Variants in RAPGEF2 observed in about 807,000 individuals in gnomAD.
The protein encoded by RAPGEF2 is Rap guanine nucleotide exchange factor 2, also known as PDZ domain containing guanine nucleotide exchange factor (GEF) 1.
RAPGEF2 carries 54 observed loss-of-function variants against 186.7 expected under a neutral mutation model. The observed-to-expected ratio is 0.29, with a 90% CI of 0.23 to 0.36. The LOEUF (loss-of-function observed/expected upper bound fraction) is 0.36. Ranked by LOEUF, RAPGEF2 falls within the 10% of genes least tolerant of loss-of-function variation. The probability of loss-of-function intolerance (pLI) is 1.00; values close to 1 mark genes in which losing one functional copy is unlikely to be tolerated. For synonymous variants in RAPGEF2, 712 were observed against 705.9 expected (o/e 1.01, Z -0.14); for missense variants, 1,532 against 2,045.0 (o/e 0.75, Z 4.84).
In RAPGEF2 at chr4:159,345,220, T is replaced by C. The variant is rs1730110487; in HGVS notation, c.3393T>C (p.Asp1131=). ...TCAATGCCAAAAAGCTTTATGAAGA[T>C]GCCCAAATGGCTCGAAAAGTGAAGC... ...SFLNAKKLYE[D]AQMARKVKQY... is the part of the protein sequence containing the mutation. Residue 1131 remains aspartate (D), a synonymous_variant, in exon 24 of 30, where the codon GAT becomes GAC. Transcript: ENST00000691494. The C allele has an allele frequency of 1.2e-6, 2 of 1,614,106 alleles. No homozygotes were observed. The highest frequency in any genetic ancestry group is 1.7e-6 in the Non-Finnish European group (2 of 1,180,026).
At chr4:159,300,592 T>C (rs1762531233) in intron 7 of RAPGEF2, among the ~76,000 whole-genome samples, 1 of 152,190 alleles carries the variant, frequency 6.6e-6, no homozygotes, top group African/African-American at 2.4e-5. Context: ...TAATTATTGA[T>C]TTTATTCAGG....
intron 1 of RAPGEF2, among the ~76,000 whole-genome samples, chr4:159,184,745 A>C (rs1465973391): frequency 6.6e-6 from 1 of 152,070 alleles, no homozygotes; most frequent in Non-Finnish European, 1.5e-5. Flanking sequence ...TCTTTAGTTT[A>C]ATTAGATCCC....
chr4:159,293,354 A>G (rs1761492346), intron 7 of RAPGEF2, among the ~76,000 whole-genome samples: 1 of 152,132 alleles, frequency 6.6e-6, no homozygotes, highest in African/African-American at 2.4e-5. Flanking sequence ...ATTTGTCCCC[A>G]CCCACTAGTT....
chr4:159,121,168 T>A (rs1739638233), intron 1 of RAPGEF2, among the ~76,000 whole-genome samples: 1 of 152,040 alleles, frequency 6.6e-6, no homozygotes, highest in Admixed American at 6.5e-5. Flanking sequence ...TTGAAGCTCA[T>A]GCTCAACCTT....
intron 1 of RAPGEF2, among the ~76,000 whole-genome samples, chr4:159,183,781 G>A (rs1482733015): frequency 6.6e-6 from 1 of 152,130 alleles, no homozygotes; most frequent in Non-Finnish European, 1.5e-5. Flanking sequence ...TAGGGTACAT[G>A]TGCACAACAT....
intron 7 of RAPGEF2, among the ~76,000 whole-genome samples, chr4:159,302,356 A>G (rs1234320863): frequency 1.3e-5 from 2 of 152,198 alleles, no homozygotes; most frequent in Admixed American, 6.5e-5. Context: ...AAAAAATCAC[A>G]CTATGTTGCA....
rs142159684 is a variant in RAPGEF2, at chr4:159,178,685, G to A, written c.70-7957G>A. On this transcript the variant is annotated intron_variant, in intron 1 of 29. Coordinates refer to ENST00000691494, the MANE Select transcript of RAPGEF2 (RefSeq NM_001394067.2). ...CGATTCTCCTGCCTCAGCCCCCCAA[G>A]TAGCTGGGCTTACAGGTGCACACTA... 4.1e-5 allele frequency among the ~76,000 whole-genome samples: 6 copies of A among 146,918 alleles called. No homozygotes were observed. The Admixed American group carries it at 4.2e-4, about 10-fold the overall frequency.
chr4:159,351,170 C>A (rs1029613209), intron 26 of RAPGEF2: 2 of 1,534,550 alleles, frequency 1.3e-6, no homozygotes, highest in African/African-American at 2.7e-5. Flanking sequence ...GCACCACGGA[C>A]CTATGGGATA....
intron 1 of RAPGEF2, among the ~76,000 whole-genome samples, chr4:159,150,805 CA>C (rs1332494237): frequency 3.3e-5 from 5 of 152,266 alleles, no homozygotes; most frequent in African/African-American, 9.6e-5. Flanking sequence ...GAGGATCCAG[CA>C]GTATTTGGAT....
At chr4:159,253,610 C>G (rs1160055870) in intron 7 of RAPGEF2, among the ~76,000 whole-genome samples, 1 of 151,992 alleles carries the variant, frequency 6.6e-6, no homozygotes, top group East Asian at 1.9e-4. Flanking sequence ...TAGAAAATAC[C>G]TGCCAGATAC....
At position 159,359,909 on chromosome 4, in the gene RAPGEF2, G is replaced by C. The variant is rs1732539318; in HGVS notation, c.*1770G>C. On this transcript the variant is annotated 3_prime_UTR_variant, in exon 30 of 30. Coordinates refer to ENST00000691494, the MANE Select transcript of RAPGEF2 (RefSeq NM_001394067.2). The stretch of plus-strand genomic sequence containing the variant: ...GTAGAACATAGGACTGCTAATCTCA[G>C]TTCGCTCTGTGATGTCAAGTGCAGA... 1 of 152,186 alleles carries C rather than the reference G, an allele frequency of 6.6e-6. No individual in the cohort carries two copies. The allele number at this position is 152,186 out of a possible 1,614,324, so 9.4% of individuals were successfully genotyped here. A position where few individuals can be genotyped will look rare whatever the true frequency, so the allele number is the denominator to read the frequency against.
intron 3 of RAPGEF2, among the ~76,000 whole-genome samples, chr4:159,204,589 A>G (rs1278041052): frequency 6.6e-6 from 1 of 152,140 alleles, no homozygotes; most frequent in Non-Finnish European, 1.5e-5. Flanking sequence ...ATCATTTTAT[A>G]ATGGTCTGTA....
At chr4:159,124,043 A>G (rs181679227) in intron 1 of RAPGEF2, among the ~76,000 whole-genome samples, 384 of 150,784 alleles carry the variant, frequency 2.5e-3, no homozygotes, top group African/African-American at 8.8e-3. Context: ...TTTAGTAGAG[A>G]TGGCGTTTCG....
At chr4:159,273,642 CTTTCTT>C (rs1458175092) in intron 7 of RAPGEF2, among the ~76,000 whole-genome samples, 3 of 109,568 alleles carry the variant, frequency 2.7e-5, no homozygotes, top group East Asian at 5.2e-4. Flanking sequence ...TTCTTTCTTT[CTTTCTT>C]TCTTTCTTTC....
chr4:159,220,107 G>T (rs942960197), intron 4 of RAPGEF2, among the ~76,000 whole-genome samples: 4 of 152,206 alleles, frequency 2.6e-5, no homozygotes, highest in Admixed American at 1.3e-4. Flanking sequence ...TGTTAGTGGA[G>T]TGGCAGAGCT....
At chr4:159,221,833 A>C (rs1751568501) in intron 4 of RAPGEF2, among the ~76,000 whole-genome samples, 4 of 152,346 alleles carry the variant, frequency 2.6e-5, no homozygotes, top group Admixed American at 2.6e-4. Context: ...GTGCTGGGAG[A>C]GAATTCCAAA....
At chr4:159,258,215 T>A (rs1389600283) in intron 7 of RAPGEF2, among the ~76,000 whole-genome samples, 1 of 152,204 alleles carries the variant, frequency 6.6e-6, no homozygotes, top group Non-Finnish European at 1.5e-5. Flanking sequence ...CTCCATGCCT[T>A]TTTAGAGCTG....
At chr4:159,196,331 G>T (rs1394187206) in intron 3 of RAPGEF2, among the ~76,000 whole-genome samples, 1 of 152,056 alleles carries the variant, frequency 6.6e-6, no homozygotes, top group East Asian at 1.9e-4. Flanking sequence ...TTTCGGACCT[G>T]TTATTATTAC....
chr4:159,175,423 A>AT (rs1746359713), intron 1 of RAPGEF2, among the ~76,000 whole-genome samples: 1 of 152,054 alleles, frequency 6.6e-6, no homozygotes, highest in South Asian at 2.1e-4. Context: ...GGCTGGTGAT[A>AT]TGACATTTTT....
Sources: allele counts gnomAD v4.1 joint callset (sites outside exome capture counted in the v4.1 genomes callset), GRCh38; gene constraint gnomAD v4.1.1; transcripts MANE v1.5; gene names NCBI Gene and HGNC (gene_info 2026-07-23, HGNC 2026-07-21).